The following EVA1C variants were observed in gnomAD, a reference collection of about 807,000 sequenced individuals.
EVA1C encodes eva-1 homolog C, also known as protein eva-1 homolog C.
Under a neutral mutation model 45.4 loss-of-function variants are expected in EVA1C, and 25 were observed. That is an observed-to-expected ratio of 0.55 (90% confidence interval 0.40 to 0.77). The LOEUF (loss-of-function observed/expected upper bound fraction) is 0.77. EVA1C is among the 30% of genes least tolerant of loss of function. The pLI is 0.00. For missense variants in EVA1C, 479 were observed against 554.8 expected, an observed-to-expected ratio of 0.86 and a Z score of 1.37; for synonymous variants, 190 against 221.2, an observed-to-expected ratio of 0.86 and a Z score of 1.25.
At position 32,508,952 on chromosome 21, in the gene EVA1C, A is replaced by G. The variant is rs568700053; in HGVS notation, c.949+4937A>G. ...AGGCTAAATTTAGAACAATGCCAGC[A>G]GAAACACAGTGTGAAGATTCTGTTC... On this transcript the variant is annotated intron_variant, in intron 7 of 7. Transcript: ENST00000300255. 6.9e-4 allele frequency among the ~76,000 whole-genome samples: 105 copies of G among 152,384 alleles called. 1 individual carries two copies. Among genetic ancestry groups the G allele is most frequent in the African/African-American group, 2.0e-3 (82 of 41,594 alleles).
chr21:32,510,844 G>A (rs185693765), intron 7 of EVA1C, among the ~76,000 whole-genome samples: 13 of 152,140 alleles, frequency 8.5e-5, no homozygotes, highest in East Asian at 3.9e-4. Flanking sequence ...AGACCAGCCC[G>A]GGCAACAAAG....
At chr21:32,462,498 G>A (rs555342899) in intron 3 of EVA1C, among the ~76,000 whole-genome samples, 3 of 152,316 alleles carry the variant, frequency 2.0e-5, no homozygotes, top group Non-Finnish European at 4.4e-5. Context: ...CTCCCATCGC[G>A]GCAGATCCTT....
intron 4 of EVA1C, among the ~76,000 whole-genome samples, chr21:32,484,297 C>A (rs1464338454): frequency 3.3e-5 from 5 of 151,980 alleles, no homozygotes; most frequent in African/African-American, 4.8e-5. Context: ...AATCCCAGCA[C>A]TTTGGGAGGC....
chr21:32,470,625 C>T (rs2036335159), intron 4 of EVA1C, among the ~76,000 whole-genome samples: 1 of 152,202 alleles, frequency 6.6e-6, no homozygotes, highest in Non-Finnish European at 1.5e-5. Flanking sequence ...TGTCTCCACT[C>T]CCTCCTCCTT....
intron 4 of EVA1C, among the ~76,000 whole-genome samples, chr21:32,489,403 G>A (rs2037080908): frequency 6.6e-6 from 1 of 152,156 alleles, no homozygotes; most frequent in South Asian, 2.1e-4. Flanking sequence ...AAAGTTAGTT[G>A]ATGGTATATC....
At chr21:32,501,653 A>G (rs2037535547) in intron 6 of EVA1C, 158 bp downstream of exon 6, 5 of 790,500 alleles carry the variant, frequency 6.3e-6, no homozygotes, top group African/African-American at 3.6e-5. Context: ...TTATCGGCCA[A>G]TAGTTGCAAA....
chr21:32,441,767 A>G (rs112985145), intron 1 of EVA1C, among the ~76,000 whole-genome samples: 4 of 152,322 alleles, frequency 2.6e-5, no homozygotes, highest in African/African-American at 9.6e-5. Context: ...AGAAAGGGAA[A>G]AGAAGTAAGA....
chr21:32,456,536 T>A (rs59146202), intron 2 of EVA1C, among the ~76,000 whole-genome samples: 1 of 152,318 alleles, frequency 6.6e-6, no homozygotes, highest in African/African-American at 2.4e-5. Flanking sequence ...GAGACACATC[T>A]GCTGGGCCCC....
intron 4 of EVA1C, among the ~76,000 whole-genome samples, chr21:32,483,592 G>A (rs1183164488): frequency 2.0e-5 from 3 of 152,118 alleles, no homozygotes; most frequent in African/African-American, 7.2e-5. Flanking sequence ...ACAGAAGGAT[G>A]GCAGCTTCAC....
At chr21:32,459,384 C>T (rs554837244) in intron 3 of EVA1C, among the ~76,000 whole-genome samples, 1 of 152,236 alleles carries the variant, frequency 6.6e-6, no homozygotes, top group South Asian at 2.1e-4. Flanking sequence ...CTCAGGAAAT[C>T]ACATCAAGAT....
intron 7 of EVA1C, among the ~76,000 whole-genome samples, chr21:32,508,204 T>C: frequency 6.6e-6 from 1 of 152,236 alleles, no homozygotes; most frequent in South Asian, 2.1e-4. Flanking sequence ...AATTACTGTT[T>C]CATTGACATC....
chr21:32,483,828 G>A (rs946323254), intron 4 of EVA1C, among the ~76,000 whole-genome samples: 2 of 152,092 alleles, frequency 1.3e-5, no homozygotes, highest in African/African-American at 4.8e-5. Context: ...TTGTGGAATG[G>A]TACCTTAGCA....
intron 1 of EVA1C, among the ~76,000 whole-genome samples, chr21:32,449,249 G>A (rs2035486614): frequency 6.6e-6 from 1 of 152,134 alleles, no homozygotes; most frequent in Non-Finnish European, 1.5e-5. Context: ...TTACATGAGG[G>A]CTCACTTTTG....
intron 4 of EVA1C, among the ~76,000 whole-genome samples, chr21:32,494,756 TG>T (rs1198259615): frequency 6.9e-6 from 1 of 145,678 alleles, no homozygotes; most frequent in African/African-American, 2.6e-5. Context: ...CACTCCAGCC[TG>T]GGCGACAGAA....
At chr21:32,421,170 G>A (rs2034254070) in intron 1 of EVA1C, among the ~76,000 whole-genome samples, 5 of 66,410 alleles carry the variant, frequency 7.5e-5, no homozygotes, top group Admixed American at 4.4e-4. Context: ...GAGTGGTGAG[G>A]AAACAAAAAT....
At chr21:32,430,178 A>G (rs1348918602) in intron 1 of EVA1C, among the ~76,000 whole-genome samples, 2 of 152,214 alleles carry the variant, frequency 1.3e-5, no homozygotes, top group Non-Finnish European at 2.9e-5. Context: ...CAAAGGGGCC[A>G]GTGGAGGTGC....
chr21:32,466,700 A>G (rs2036187221), intron 3 of EVA1C, among the ~76,000 whole-genome samples: 1 of 152,140 alleles, frequency 6.6e-6, no homozygotes, highest in Admixed American at 6.5e-5. Context: ...TCCTGGATTT[A>G]CCAGATTTGG....
intron 1 of EVA1C, 38 bp downstream of exon 1, chr21:32,413,051 G>A: frequency 7.5e-7 from 1 of 1,335,974 alleles, no homozygotes. Flanking sequence ...CCCCGGCACC[G>A]CGGAGCGCCC....
At chr21:32,467,558 C>G in intron 3 of EVA1C, 138 bp from the exon 4 acceptor site, 1 of 718,998 alleles carries the variant, frequency 1.4e-6, no homozygotes, top group Non-Finnish European at 2.1e-6. Flanking sequence ...TCAGAGACAG[C>G]ATGAGCCCAC....
Sources: gnomAD v4.1 joint callset for allele counts (sites outside exome capture counted in the v4.1 genomes callset) on GRCh38, gnomAD v4.1.1 for gene constraint, MANE v1.5 for transcripts, NCBI Gene and HGNC (gene_info 2026-07-23, HGNC 2026-07-21) for gene names.